UGT2B15: variants seen among roughly 807,000 people sequenced by gnomAD.
UGT2B15 encodes the protein UDP-glucuronosyltransferase 2B15.
In UGT2B15, 36 loss-of-function variants were observed where a neutral mutation model predicts 45.9. The ratio of observed to expected loss-of-function variants is 0.78; its 90% CI spans 0.60 to 1.04. UGT2B15 has a LOEUF of 1.04. Ranked by LOEUF, UGT2B15 falls within the 50% of genes least tolerant of loss-of-function variation. The pLI, the probability that UGT2B15 is intolerant of heterozygous loss-of-function variation, is 0.00. For missense variants in UGT2B15, 617 were observed against 622.4 expected (o/e 0.99, Z 0.09); for synonymous variants, 219 against 216.4 (o/e 1.01, Z -0.11).
At chr4:68,654,300 T>G in intron 4 of UGT2B15, 44 bp from the exon 5 acceptor site, 1 of 1,594,054 alleles carries the variant, frequency 6.3e-7, no homozygotes. Flanking sequence ...TTACAAGGTA[T>G]GAGAATTGAA....
intron 3 of UGT2B15, among the ~76,000 whole-genome samples, chr4:68,658,981 A>C (rs1732886118): frequency 6.6e-6 from 1 of 152,052 alleles, no homozygotes; most frequent in Non-Finnish European, 1.5e-5. Flanking sequence ...CTAATGCAAG[A>C]CCAACATATG....
chr4:68,655,186 T>G lies in UGT2B15; in HGVS notation c.1006-4A>C, dbSNP rs759369248. On this transcript the variant is annotated splice_polypyrimidine_tract_variant and splice_region_variant and intron_variant, in intron 3 of 5. Transcript: ENST00000338206. ...TGCCATCAAATCTCCATAGAACCTG[T>G]TAGGGCAAGGAAAATATCTTGTTCA... 3.7e-6 allele frequency: 6 copies of G among 1,612,822 alleles called. No homozygotes were observed. The highest frequency in any genetic ancestry group is 1.3e-5 in the African/African-American group (1 of 74,838).
intron 3 of UGT2B15, among the ~76,000 whole-genome samples, chr4:68,662,419 G>T (rs1732993571): frequency 6.7e-6 from 1 of 150,112 alleles, no homozygotes; most frequent in African/African-American, 2.5e-5. Flanking sequence ...AATCTACTTG[G>T]CTAGGTGGGT....
chr4:68,650,184 A>T (rs531358475), intron 5 of UGT2B15, among the ~76,000 whole-genome samples: 4 of 151,984 alleles, frequency 2.6e-5, no homozygotes, highest in African/African-American at 9.7e-5. Flanking sequence ...TCCAGTATAC[A>T]TGTGCAGAAT....
At chr4:68,649,630 C>G (rs1296391680) in intron 5 of UGT2B15, among the ~76,000 whole-genome samples, 2 of 151,828 alleles carry the variant, frequency 1.3e-5, no homozygotes, top group East Asian at 3.9e-4. Context: ...CACACACAAC[C>G]AGAGATATAT....
At chr4:68,650,737 T>C (rs1732629437) in intron 5 of UGT2B15, among the ~76,000 whole-genome samples, 1 of 152,188 alleles carries the variant, frequency 6.6e-6, no homozygotes, top group East Asian at 1.9e-4. Flanking sequence ...TTTTCCATGA[T>C]GGTTGAACTA....
At chr4:68,647,934 C>A (rs1732530948) in intron 5 of UGT2B15, among the ~76,000 whole-genome samples, 1 of 152,036 alleles carries the variant, frequency 6.6e-6, no homozygotes, top group African/African-American at 2.4e-5. Context: ...AGTGCCCATA[C>A]TGGTCTGGAA....
At chr4:68,662,758 A>G (rs1166703532) in intron 3 of UGT2B15, among the ~76,000 whole-genome samples, 2 of 146,836 alleles carry the variant, frequency 1.4e-5, no homozygotes, top group South Asian at 2.2e-4. Context: ...GATAATACCA[A>G]ACTTCACTAG....
chr4:68,665,778 G>A (rs1478810433), intron 2 of UGT2B15, among the ~76,000 whole-genome samples: 5 of 152,232 alleles, frequency 3.3e-5, no homozygotes, highest in African/African-American at 1.2e-4. Flanking sequence ...CAACAACGGA[G>A]GCTCACACTT....
At chr4:68,649,354 C>T (rs1356363852) in intron 5 of UGT2B15, among the ~76,000 whole-genome samples, 1 of 133,450 alleles carries the variant, frequency 7.5e-6, no homozygotes, top group Non-Finnish European at 1.5e-5. Flanking sequence ...TCTTGGCTGA[C>T]TGCAATTTGC....
At position 68,655,197 on chromosome 4, in the gene UGT2B15, A is replaced by C. The variant is rs761819987; in HGVS notation, c.1006-15T>G. 6.2e-7 allele frequency: 1 copy of C among 1,612,198 alleles called. No homozygotes were observed. The highest frequency in any genetic ancestry group is 8.5e-7 in the Non-Finnish European group (1 of 1,178,730). On this transcript the variant is annotated splice_polypyrimidine_tract_variant and intron_variant, in intron 3 of 5. Transcript: ENST00000338206. ...CTCCATAGAACCTGTTAGGGCAAGG[A>C]AAATATCTTGTTCAATGAATAGAAC... is the stretch of plus-strand genomic sequence containing the variant.
At chr4:68,653,463 G>T (rs752763304) in intron 5 of UGT2B15, among the ~76,000 whole-genome samples, 4 of 151,890 alleles carry the variant, frequency 2.6e-5, no homozygotes, top group Non-Finnish European at 5.9e-5. Context: ...AAGTAAGATG[G>T]TATTTTTCTA....
Position 68,669,876 on chromosome 4 carries a change from A to T in UGT2B15, c.724+19T>A. 6.3e-7 allele frequency: 1 copy of T among 1,588,900 alleles called. No individual in the cohort carries two copies. The highest frequency in any genetic ancestry group is 8.5e-7 in the Non-Finnish European group (1 of 1,172,730). ...GAAAAGTTAGAACTTAATAAGCACCAGTTAGACACATGACTTACCTAGAAC... is the reference window on the plus strand; with the variant it reads ...GAAAAGTTAGAACTTAATAAGCACCTGTTAGACACATGACTTACCTAGAAC... On this transcript the variant is annotated intron_variant, in intron 1 of 5. Transcript: ENST00000338206.
At position 68,654,166 on chromosome 4, in the gene UGT2B15, G is replaced by C. The variant is rs1227062688; in HGVS notation, c.1184C>G (p.Pro395Arg). ...IYHGIPMVGI[P>R]LFADQHDNIA... ...GTTATCATGTTGATCCGCAAACAAGGGAATGCCCACCATAGGGATCCCATG... is the reference window on the plus strand; with the variant it reads ...GTTATCATGTTGATCCGCAAACAAGCGAATGCCCACCATAGGGATCCCATG... Residue 395 changes from proline (P) to arginine (R), a missense_variant, in exon 5 of 6, where the codon CCC (proline) becomes CGC (arginine). Pro to Arg is a moderately radical substitution (Grantham distance 103). Around this residue, in one of 3 missense-constraint regions of UGT2B15, gnomAD observed 265 missense variants for 245.1 expected, o/e 1.08. Coordinates refer to ENST00000338206, the MANE Select transcript of UGT2B15 (RefSeq NM_001076.4). 1.9e-6 allele frequency: 3 copies of C among 1,613,508 alleles called. No homozygotes were observed. In the Admixed American group the frequency reaches 5.0e-5, roughly 27 times the overall value.
At chr4:68,665,715 G>A (rs1183349592) in intron 2 of UGT2B15, among the ~76,000 whole-genome samples, 1 of 152,142 alleles carries the variant, frequency 6.6e-6, no homozygotes, top group Non-Finnish European at 1.5e-5. Context: ...AAGAATTAGA[G>A]AATCAGTTTC....
chr4:68,647,383 G>A lies in UGT2B15; in HGVS notation c.1314C>T (p.Val438=). Residue 438 remains valine, a splice_region_variant and synonymous_variant, in exon 6 of 6, where the codon GTC becomes GTT. Transcript: ENST00000338206. ...NALKSVINDP[V]YKENVMKLSR... Reference sequence around the variant, plus strand: ...ATAATTTCATGACATTCTCTTTATAGCTGAAGGATAAATATAAAGATATCA... The same window carrying A: ...ATAATTTCATGACATTCTCTTTATAACTGAAGGATAAATATAAAGATATCA... 9.3e-6 allele frequency: 15 copies of A among 1,610,272 alleles called. No homozygotes were observed. Among genetic ancestry groups the A allele is most frequent in the Non-Finnish European group, 1.3e-5 (15 of 1,177,616 alleles).
chr4:68,664,200 G>A (rs1195800476), intron 2 of UGT2B15, among the ~76,000 whole-genome samples: 1 of 150,430 alleles, frequency 6.6e-6, no homozygotes, highest in Non-Finnish European at 1.5e-5. Context: ...TGTGTTTCCT[G>A]ATGTGTCCCT....
In UGT2B15 at chr4:68,670,257, T is replaced by C. The variant is rs1733267994; in HGVS notation, c.362A>G (p.Tyr121Cys). The C allele has an allele frequency of 6.2e-7, 1 of 1,613,986 alleles. No homozygotes were observed. The highest frequency in any genetic ancestry group is 1.3e-5 in the African/African-American group (1 of 74,928). ...TTTACAGAGCTTGTTACTGTAGTCA[T>C]AATATTCCCAACACAATTCTTGTAA... ...SQLQELCWEY[Y>C]DYSNKLCKDA... The change falls in exon 1 of 6, where the codon TAT becomes TGT. Residue 121 changes from tyrosine to cysteine, a missense_variant. Tyr to Cys is a radical substitution (Grantham distance 194). Coordinates refer to ENST00000338206, the MANE Select transcript of UGT2B15 (RefSeq NM_001076.4).
chr4:68,667,167 A>C (rs1021442160), intron 2 of UGT2B15, among the ~76,000 whole-genome samples: 2 of 100,018 alleles, frequency 2.0e-5, no homozygotes, highest in African/African-American at 7.5e-5. Flanking sequence ...TTTTTTGTTT[A>C]TTTGTTTGTT....
Sources: allele counts gnomAD v4.1 joint callset (sites outside exome capture counted in the v4.1 genomes callset), GRCh38; gene constraint gnomAD v4.1.1; regional missense constraint gnomAD v4.1.1; transcripts MANE v1.5; gene names NCBI Gene and HGNC (gene_info 2026-07-23, HGNC 2026-07-21).